The following ABCC3 variants were observed in gnomAD, a reference collection of about 807,000 sequenced individuals.
ABCC3 encodes ATP-binding cassette sub-family C member 3.
In ABCC3, 121 loss-of-function variants were observed where a neutral mutation model predicts 165.3. The ratio of observed to expected loss-of-function variants is 0.73; its 90% confidence interval spans 0.63 to 0.85. The LOEUF is 0.85. ABCC3 is among the 40% of genes least tolerant of loss of function. The probability of loss-of-function intolerance (pLI) is 0.00; values close to 1 mark genes in which losing one functional copy is unlikely to be tolerated. For missense variants in ABCC3, 1,869 were observed against 1,964.1 expected, an observed-to-expected ratio of 0.95 and a Z score of 0.92; for synonymous variants, 733 against 810.1, an observed-to-expected ratio of 0.90 and a Z score of 1.62.
At chr17:50,662,553 G>T (rs1420845095) in intron 8 of ABCC3, among the ~76,000 whole-genome samples, 1 of 151,138 alleles carries the variant, frequency 6.6e-6, no homozygotes, top group Non-Finnish European at 1.5e-5. Context: ...TGGGAAGACT[G>T]CCTGAGCCTG....
At chr17:50,688,127 C>G (rs1212853592) in intron 30 of ABCC3, among the ~76,000 whole-genome samples, 1 of 151,950 alleles carries the variant, frequency 6.6e-6, no homozygotes, top group African/African-American at 2.4e-5. Context: ...CCAGGCTGGT[C>G]TCGAACTCCT....
chr17:50,635,719 A>G (rs1300873002), intron 1 of ABCC3: 1 of 640,276 alleles, frequency 1.6e-6, no homozygotes, highest in African/African-American at 1.8e-5. Context: ...CAGAGCTGGG[A>G]TAGAAAAACA....
chr17:50,647,469 C>T (rs17562467), intron 1 of ABCC3, among the ~76,000 whole-genome samples: 32,148 of 152,020 alleles, frequency 0.21, 4,263 homozygotes, highest in Non-Finnish European at 0.28. Context: ...AGGAAGTAGG[C>T]GCTGAGGCTC....
chr17:50,648,912 C>T (rs1418501231), intron 1 of ABCC3, among the ~76,000 whole-genome samples: 4 of 150,534 alleles, frequency 2.7e-5, no homozygotes, highest in Non-Finnish European at 5.9e-5. Flanking sequence ...GTCAGGAGTT[C>T]GAGACCAGCC....
At chr17:50,671,298 A>G (rs1488887477) in intron 17 of ABCC3, among the ~76,000 whole-genome samples, 2 of 151,930 alleles carry the variant, frequency 1.3e-5, no homozygotes, top group African/African-American at 4.8e-5. Flanking sequence ...ATCATTTCTT[A>G]GTGTACAGTT....
intron 1 of ABCC3, among the ~76,000 whole-genome samples, chr17:50,645,547 G>T (rs1052812328): frequency 1.3e-5 from 2 of 152,098 alleles, no homozygotes; most frequent in African/African-American, 4.8e-5. Context: ...AGTTTAAAGG[G>T]ATGGTATACT....
At position 50,659,315 on chromosome 17, in the gene ABCC3, G is replaced by C; in HGVS notation, c.753G>C (p.Met251Ile). The change falls in exon 7 of 31, where the codon ATG (methionine) becomes ATC (isoleucine). Residue 251 changes from methionine to isoleucine, a missense_variant. Met to Ile is a conservative substitution (Grantham distance 10). Transcript: ENST00000285238. ...WSLKEEDRSQ[M>I]VVQQLLEAWR... ...TAAAGGAAGAGGACAGATCCCAGAT[G>C]GTGGTGCAGCAGCTGCTGGAGGCAT... 6.8e-6 allele frequency: 11 copies of C among 1,613,574 alleles called. No individual in the cohort carries two copies. The highest frequency in any genetic ancestry group is 9.3e-6 in the Non-Finnish European group (11 of 1,179,542).
intron 3 of ABCC3, 99 bp downstream of exon 3, chr17:50,656,926 T>C (rs968757477): frequency 7.8e-6 from 12 of 1,547,610 alleles, no homozygotes; most frequent in Non-Finnish European, 9.6e-6. Context: ...GCTGGACATA[T>C]TGGGAATGGG....
At position 50,667,644 on chromosome 17, in the gene ABCC3, C is replaced by G; in HGVS notation, c.1522C>G (p.Pro508Ala). The change falls in exon 12 of 31, where the codon CCC (proline) becomes GCC (alanine). Residue 508 changes from proline (P) to alanine (A), a missense_variant. Pro to Ala is a conservative substitution (Grantham distance 27). Coordinates refer to ENST00000285238, the MANE Select transcript of ABCC3 (RefSeq NM_003786.4). ...GGTGCTGAAGCTGTACGCCTGGGAG[C>G]CCAGCTTCCTGAAGCAGGTGGAGGG... Reference protein sequence around the residue: ...IKVLKLYAWEPSFLKQVEGIR... With the variant: ...IKVLKLYAWEASFLKQVEGIR... 1 of 1,614,172 alleles carries G rather than the reference C, an allele frequency of 6.2e-7. No homozygotes were observed. Among genetic ancestry groups the G allele is most frequent in the Non-Finnish European group, 8.5e-7 (1 of 1,180,032 alleles).
intron 18 of ABCC3, 116 bp from the exon 19 acceptor site, chr17:50,673,353 G>A: frequency 7.3e-7 from 1 of 1,367,344 alleles, no homozygotes; most frequent in Non-Finnish European, 1.0e-6. Flanking sequence ...TCACCCATGT[G>A]CCTGTCCAAG....
At chr17:50,649,596 G>GGAGA (rs1567826087) in intron 1 of ABCC3, among the ~76,000 whole-genome samples, 64 of 149,272 alleles carry the variant, frequency 4.3e-4, no homozygotes, top group African/African-American at 1.6e-3. Flanking sequence ...AAGAAGGAGA[G>GGAGA]GAGAGGAGAG....
chr17:50,656,817 G>C lies in ABCC3; in HGVS notation c.338G>C (p.Gly113Ala). The change falls in exon 3 of 31, where the codon GGG becomes GCG. Residue 113 changes from glycine to alanine, a missense_variant. Coordinates refer to ENST00000285238, the MANE Select transcript of ABCC3 (RefSeq NM_003786.4). ...PVFFVTPLVV[G>A]VTMLLATLLI... is the part of the protein sequence containing the mutation. ...TTCTTTGTCACCCCCTTGGTGGTGG[G>C]GGTCACCATGGTCAGTGTGGGGCCC... The C allele has an allele frequency of 6.2e-7, 1 of 1,610,428 alleles. No individual in the cohort carries two copies. The highest frequency in any genetic ancestry group is 8.5e-7 in the Non-Finnish European group (1 of 1,178,386).
At chr17:50,638,896 C>G (rs2054202421) in intron 1 of ABCC3, among the ~76,000 whole-genome samples, 1 of 152,186 alleles carries the variant, frequency 6.6e-6, no homozygotes, top group Non-Finnish European at 1.5e-5. Flanking sequence ...TGCTTCAGGT[C>G]TGGAGTTGCC....
Position 50,669,479 on chromosome 17 carries a change from C to A in ABCC3, c.2192C>A (p.Ala731Asp). 6.2e-7 allele frequency: 1 copy of A among 1,614,248 alleles called. No individual in the cohort carries two copies. Among genetic ancestry groups the A allele is most frequent in the Non-Finnish European group, 8.5e-7 (1 of 1,180,044 alleles). Residue 731 changes from alanine to aspartate, a missense_variant, in exon 17 of 31, where the codon GCT (alanine) becomes GAT (aspartate). Coordinates refer to ENST00000285238, the MANE Select transcript of ABCC3 (RefSeq NM_003786.4). ...ACTCTGGAGGCCTGTGCCTTGCTAG[C>A]TGACCTGGAGATGCTGCCTGGTGGG... ...QQTLEACALL[A>D]DLEMLPGGDQ...
chr17:50,680,922 A>C (rs1176230386), intron 26 of ABCC3, among the ~76,000 whole-genome samples: 1 of 152,074 alleles, frequency 6.6e-6, no homozygotes, highest in African/African-American at 2.4e-5. Flanking sequence ...TAAAAATACA[A>C]AAAAATAGCT....
rs183184879 is a variant in ABCC3 at position 50,661,335 on chromosome 17, G to A, written c.998+221G>A. Among the ~76,000 whole-genome samples, 29 of 152,346 alleles carry A rather than the reference G, an allele frequency of 1.9e-4. 1 individual carries two copies. Among genetic ancestry groups the A allele is most frequent in the East Asian group, 5.8e-4 (3 of 5,182 alleles). ...GTGCATATACTATGTGCCGGGCACC[G>A]TGGTGTGTACGTTAACAAGCATTGG... On this transcript the variant is annotated intron_variant, in intron 8 of 30. Coordinates refer to ENST00000285238, the MANE Select transcript of ABCC3 (RefSeq NM_003786.4).
At position 50,663,679 on chromosome 17, in the gene ABCC3, A is replaced by C. The variant is rs766028937; in HGVS notation, c.999-2A>C. ...CACCTCACTCCTCTCTCCTCCCCAC[A>C]GCATCCTGATCAGGTTTATCTCCAA... On this transcript the variant is annotated splice_acceptor_variant, in intron 8 of 30. Transcript: ENST00000285238. LOFTEE classifies it high-confidence loss of function. 6.8e-6 allele frequency: 11 copies of C among 1,613,968 alleles called. No homozygotes were observed. In the African/African-American group the frequency reaches 1.5e-4, roughly 22 times the overall value.
intron 19 of ABCC3, among the ~76,000 whole-genome samples, chr17:50,673,981 T>TTTCTTTCTTTCC: frequency 3.0e-4 from 1 of 3,316 alleles, no homozygotes; most frequent in Non-Finnish European, 5.9e-4. Flanking sequence ...TCTTTCTTTC[T>TTTCTTTCTTTCC]CTCTCTCTCT....
At position 50,673,529 on chromosome 17, in the gene ABCC3, C is replaced by T. The variant is rs1413904501; in HGVS notation, c.2470C>T (p.Leu824=). 1 of 1,614,170 alleles carries T rather than the reference C, an allele frequency of 6.2e-7. No individual in the cohort carries two copies. The highest frequency in any genetic ancestry group is 1.1e-5 in the South Asian group (1 of 91,086). The part of the protein sequence containing the change: ...FLPQTDFIIV[L]ADGQVSEMGP... The stretch of plus-strand genomic sequence containing the variant: ...GCCCCAGACAGACTTCATCATTGTG[C>T]TAGCTGATGGACAGGTGTCTGAGAT... Residue 824 remains leucine (L), a synonymous_variant, in exon 19 of 31, where the codon CTA becomes TTA. Coordinates refer to ENST00000285238, the MANE Select transcript of ABCC3 (RefSeq NM_003786.4).
Sources: gnomAD v4.1 joint callset for allele counts (sites outside exome capture counted in the v4.1 genomes callset) on GRCh38, gnomAD v4.1.1 for gene constraint, MANE v1.5 for transcripts, NCBI Gene and HGNC (gene_info 2026-07-23, HGNC 2026-07-21) for gene names.